NMT2: variants seen among roughly 807,000 people sequenced by gnomAD.
NMT2 encodes the protein N-myristoyltransferase 2.
Under a neutral mutation model 65.4 loss-of-function variants are expected in NMT2, and 35 were observed. That is an observed-to-expected ratio of 0.54 (90% confidence interval 0.41 to 0.71). NMT2 has a LOEUF of 0.71. NMT2 is among the 30% of genes least tolerant of loss of function. NMT2 has a pLI of 0.00. For synonymous variants in NMT2, 226 were observed against 231.8 expected (o/e 0.98, Z 0.23); for missense variants, 489 against 611.3 (o/e 0.80, Z 2.11).
chr10:15,130,578 C>T (rs1356951181), intron 6 of NMT2, among the ~76,000 whole-genome samples: 1 of 151,640 alleles, frequency 6.6e-6, no homozygotes, highest in Non-Finnish European at 1.5e-5. Flanking sequence ...TTGCCGCATG[C>T]ATGTGGTCCC....
intron 8 of NMT2, among the ~76,000 whole-genome samples, chr10:15,126,019 G>A (rs1286128989): frequency 6.6e-6 from 1 of 152,002 alleles, no homozygotes; most frequent in Non-Finnish European, 1.5e-5. Context: ...GATCCCATCA[G>A]TGGCACACAG....
intron 2 of NMT2, 91 bp from the exon 3 acceptor site, chr10:15,135,509 A>G: frequency 7.6e-7 from 1 of 1,312,956 alleles, no homozygotes; most frequent in Non-Finnish European, 1.1e-6. Flanking sequence ...CAGAGACTAC[A>G]ATACCTAAAC....
At chr10:15,132,175 G>A (rs1196327766) in intron 6 of NMT2, among the ~76,000 whole-genome samples, 3 of 152,000 alleles carry the variant, frequency 2.0e-5, no homozygotes, top group East Asian at 3.9e-4. Context: ...CCAAGGCTTC[G>A]TTTTTTCTGA....
intron 8 of NMT2, among the ~76,000 whole-genome samples, chr10:15,127,283 C>T (rs1472840850): frequency 3.3e-5 from 5 of 150,332 alleles, no homozygotes; most frequent in Non-Finnish European, 7.4e-5. Context: ...CGTGGTGGCT[C>T]ACTCCTGTAA....
At chr10:15,130,924 G>A (rs1374562441) in intron 6 of NMT2, among the ~76,000 whole-genome samples, 1 of 151,608 alleles carries the variant, frequency 6.6e-6, no homozygotes, top group African/African-American at 2.4e-5. Context: ...TAAGTAGCTG[G>A]AATTACAGGT....
At chr10:15,141,816 T>C (rs1017157632) in intron 1 of NMT2, among the ~76,000 whole-genome samples, 1 of 152,228 alleles carries the variant, frequency 6.6e-6, no homozygotes, top group African/African-American at 2.4e-5. Context: ...ATAAACCACA[T>C]TTTATAACTG....
At chr10:15,151,795 C>T (rs1445366887) in intron 1 of NMT2, among the ~76,000 whole-genome samples, 1 of 152,292 alleles carries the variant, frequency 6.6e-6, no homozygotes, top group East Asian at 1.9e-4. Context: ...GAGGCTGAGG[C>T]AGGTGGATCA....
intron 2 of NMT2, among the ~76,000 whole-genome samples, chr10:15,139,135 T>A (rs1846629688): frequency 6.6e-6 from 1 of 152,146 alleles, no homozygotes; most frequent in African/African-American, 2.4e-5. Flanking sequence ...CCCTCGAACA[T>A]CAGGCTCCAA....
intron 1 of NMT2, 102 bp from the exon 2 acceptor site, chr10:15,141,659 A>T: frequency 7.3e-7 from 1 of 1,373,698 alleles, no homozygotes; most frequent in Non-Finnish European, 9.8e-7. Context: ...CAGCTGTTAC[A>T]TGCAGTAGAA....
intron 8 of NMT2, among the ~76,000 whole-genome samples, chr10:15,119,714 T>C (rs1158894908): frequency 1.3e-5 from 2 of 152,206 alleles, no homozygotes; most frequent in South Asian, 2.1e-4. Flanking sequence ...TGTACATACA[T>C]TAAGGTTTGA....
intron 9 of NMT2, among the ~76,000 whole-genome samples, chr10:15,113,656 T>G (rs1207445959): frequency 6.6e-6 from 1 of 152,028 alleles, no homozygotes; most frequent in Non-Finnish European, 1.5e-5. Flanking sequence ...AAAGATACTG[T>G]GTACTATCTC....
At chr10:15,158,292 G>T (rs1302672467) in intron 1 of NMT2, among the ~76,000 whole-genome samples, 2 of 151,164 alleles carry the variant, frequency 1.3e-5, no homozygotes, top group Admixed American at 1.3e-4. Flanking sequence ...CTCCAGCCTG[G>T]GTAACAGAGA....
intron 3 of NMT2, among the ~76,000 whole-genome samples, chr10:15,134,778 C>A (rs1168059729): frequency 6.6e-6 from 1 of 151,920 alleles, no homozygotes; most frequent in Non-Finnish European, 1.5e-5. Context: ...CCCAGGAGTT[C>A]GAGACCAGCC....
At chr10:15,115,738 A>AG (rs1441091629) in intron 9 of NMT2, among the ~76,000 whole-genome samples, 1 of 152,254 alleles carries the variant, frequency 6.6e-6, no homozygotes, top group African/African-American at 2.4e-5. Flanking sequence ...ATAGTTTGAA[A>AG]GTAAAAGGAT....
At chr10:15,115,390 C>A (rs1012919050) in intron 9 of NMT2, among the ~76,000 whole-genome samples, 2 of 152,052 alleles carry the variant, frequency 1.3e-5, no homozygotes, top group African/African-American at 4.8e-5. Flanking sequence ...TGTTACCAAT[C>A]GACTATAAGT....
intron 10 of NMT2, 89 bp downstream of exon 10, chr10:15,112,707 G>T: frequency 8.1e-7 from 1 of 1,234,408 alleles, no homozygotes; most frequent in Non-Finnish European, 1.1e-6. Context: ...AATTCCACCT[G>T]TGTGGAAGAA....
At chr10:15,139,260 C>A (rs574522869) in intron 2 of NMT2, among the ~76,000 whole-genome samples, 2 of 147,182 alleles carry the variant, frequency 1.4e-5, no homozygotes, top group East Asian at 2.0e-4. Flanking sequence ...CTCTATCTAT[C>A]TATCTATCTA....
chr10:15,108,859 G>A lies in NMT2; in HGVS notation c.*336C>T. 2 of 1,086,880 alleles carry A rather than the reference G, an allele frequency of 1.8e-6. No individual in the cohort carries two copies. The highest frequency in any genetic ancestry group is 2.2e-6 in the Non-Finnish European group (2 of 896,058). The allele number at this position is 1,086,880 out of a possible 1,614,324, so 67.3% of individuals were successfully genotyped here. ...AGCAAAGATTTTCTTACATGACTCT[G>A]TAACTTCTACTTAGTCCATAGAAAA... On this transcript the variant is annotated 3_prime_UTR_variant, in exon 12 of 12. Transcript: ENST00000378165.
chr10:15,133,020 C>G (rs765038493), intron 5 of NMT2, 33 bp downstream of exon 5: 1 of 1,602,284 alleles, frequency 6.2e-7, no homozygotes, highest in Admixed American at 1.7e-5. Flanking sequence ...TCAGCAGCGC[C>G]TATCCACGAC....
Sources: gnomAD v4.1 joint callset for allele counts (sites outside exome capture counted in the v4.1 genomes callset) on GRCh38, gnomAD v4.1.1 for gene constraint, MANE v1.5 for transcripts, NCBI Gene and HGNC (gene_info 2026-07-23, HGNC 2026-07-21) for gene names.